LOC400499: variants seen among roughly 807,000 people sequenced by gnomAD.
At chr16:11,396,427 T>G in the LOC400499 span, 1 of 1,198,510 alleles carries the variant, frequency 8.3e-7, no homozygotes, top group Non-Finnish European at 1.0e-6. Flanking sequence ...GCCCAGGCAG[T>G]TGGGGGCCTG....
At chr16:11,486,851 G>A in the LOC400499 span, among the ~76,000 whole-genome samples, 2 of 109,278 alleles carry the variant, frequency 1.8e-5, no homozygotes, top group East Asian at 3.4e-4. Context: ...GATGATGGGC[G>A]GGTGGGTGGA....
chr16:11,446,924 G>C, the LOC400499 span: 1 of 1,528,982 alleles, frequency 6.5e-7, no homozygotes, highest in African/African-American at 1.4e-5. Context: ...GTGTGCAGAG[G>C]GAAAAACAGG....
the LOC400499 span, among the ~76,000 whole-genome samples, chr16:11,493,478 C>T: frequency 6.6e-6 from 1 of 152,146 alleles, no homozygotes; most frequent in East Asian, 1.9e-4. Flanking sequence ...TCCCACACTA[C>T]ACACAGGCTT....
the LOC400499 span, among the ~76,000 whole-genome samples, chr16:11,385,945 A>G: frequency 6.6e-6 from 1 of 152,280 alleles, no homozygotes; most frequent in African/African-American, 2.4e-5. Flanking sequence ...CTGAGGCAGG[A>G]GGATCACTTG....
the LOC400499 span, chr16:11,439,518 G>T: frequency 2.5e-6 from 1 of 399,142 alleles, no homozygotes; most frequent in Non-Finnish European, 4.4e-6. Flanking sequence ...GTTGGTCCGT[G>T]AGGATGCCTG....
At chr16:11,479,391 T>C in the LOC400499 span, among the ~76,000 whole-genome samples, 8 of 151,618 alleles carry the variant, frequency 5.3e-5, no homozygotes, top group African/African-American at 1.9e-4. Flanking sequence ...GAAAAGAGGA[T>C]CGCTTGAGGC....
At chr16:11,421,775 A>G in the LOC400499 span, among the ~76,000 whole-genome samples, 1 of 152,082 alleles carries the variant, frequency 6.6e-6, no homozygotes, top group Non-Finnish European at 1.5e-5. Context: ...ACCAGGGAGG[A>G]GGGGATGGGA....
At chr16:11,463,722 G>T in the LOC400499 span, among the ~76,000 whole-genome samples, 1 of 151,986 alleles carries the variant, frequency 6.6e-6, no homozygotes, top group African/African-American at 2.4e-5. Flanking sequence ...TGTGTGTGTG[G>T]ATATATGTAC....
At chr16:11,435,540 G>C in the LOC400499 span, 1 of 397,804 alleles carries the variant, frequency 2.5e-6, no homozygotes, top group African/African-American at 2.1e-5. Flanking sequence ...GGGCTGACTT[G>C]GGCGTGGTCT....
chr16:11,421,820 C>T, the LOC400499 span, among the ~76,000 whole-genome samples: 2 of 152,108 alleles, frequency 1.3e-5, no homozygotes, highest in Admixed American at 1.3e-4. Flanking sequence ...ATGGGGATTC[C>T]ACTGGGGTGT....
the LOC400499 span, among the ~76,000 whole-genome samples, chr16:11,401,850 GTGT>G: frequency 1.3e-5 from 2 of 152,238 alleles, no homozygotes; most frequent in African/African-American, 4.8e-5. Flanking sequence ...GGCTGTCAAG[GTGT>G]TGTGGGGACC....
At chr16:11,401,916 G>T in the LOC400499 span, 32 of 398,070 alleles carry the variant, frequency 8.0e-5, no homozygotes, top group Non-Finnish European at 1.3e-4. Context: ...TGGGGATGTG[G>T]TACAGCCTCA....
chr16:11,447,975 T>C, the LOC400499 span: 18 of 1,535,926 alleles, frequency 1.2e-5, no homozygotes, highest in Non-Finnish European at 1.6e-5. Flanking sequence ...ATGTCCTGTC[T>C]TGCCTCAGCT....
At chr16:11,430,961 G>A in the LOC400499 span, 1 of 398,448 alleles carries the variant, frequency 2.5e-6, no homozygotes, top group Non-Finnish European at 4.4e-6. Context: ...ACTGGACTTG[G>A]GTGGAAATGA....
chr16:11,476,755 G>A, the LOC400499 span: 1 of 399,474 alleles, frequency 2.5e-6, no homozygotes, highest in African/African-American at 2.1e-5. Flanking sequence ...GCCGGCACTG[G>A]GCACCCACCT....
the LOC400499 span, chr16:11,469,459 G>A: frequency 2.5e-6 from 1 of 399,118 alleles, no homozygotes; most frequent in East Asian, 3.6e-5. Context: ...TGCCCCGGGT[G>A]TGGCACCGAG....
At chr16:11,387,512 C>G in the LOC400499 span, among the ~76,000 whole-genome samples, 2 of 152,138 alleles carry the variant, frequency 1.3e-5, no homozygotes, top group Non-Finnish European at 2.9e-5. Flanking sequence ...TGGCTGGGGA[C>G]AGAAACAAGC....
the LOC400499 span, among the ~76,000 whole-genome samples, chr16:11,491,502 G>A: frequency 6.6e-6 from 1 of 152,188 alleles, no homozygotes; most frequent in South Asian, 2.1e-4. Context: ...AATGGGGACT[G>A]GAATTGCCAT....
the LOC400499 span, among the ~76,000 whole-genome samples, chr16:11,386,694 G>A: frequency 2.0e-5 from 3 of 152,230 alleles, no homozygotes; most frequent in Non-Finnish European, 2.9e-5. Flanking sequence ...GCATTTCATG[G>A]TGGAGGAAAC....
Sources: gnomAD v4.1 joint callset for allele counts (sites outside exome capture counted in the v4.1 genomes callset) on GRCh38, gnomAD v4.1.1 for gene constraint, MANE v1.5 for transcripts.